SLC39A8: variants seen among roughly 807,000 people sequenced by gnomAD.
SLC39A8 encodes the protein solute carrier family 39 member 8, also known as metal cation symporter ZIP8.
Under a neutral mutation model 40.4 loss-of-function variants are expected in SLC39A8, and 15 were observed. The observed-to-expected ratio is 0.37, with a 90% CI of 0.25 to 0.57. The LOEUF is 0.57. Among genes scored for constraint, SLC39A8 ranks in the 20% least tolerant of loss-of-function variants. The probability of loss-of-function intolerance (pLI) is 0.75; values close to 1 mark genes in which losing one functional copy is unlikely to be tolerated. For synonymous variants in SLC39A8, 223 were observed against 221.6 expected (o/e 1.01, Z -0.06); for missense variants, 472 against 558.8 (o/e 0.84, Z 1.57).
intron 6 of SLC39A8, among the ~76,000 whole-genome samples, chr4:102,297,975 A>G (rs1353897883): frequency 1.3e-5 from 2 of 151,924 alleles, no homozygotes; most frequent in African/African-American, 4.8e-5. Context: ...GAATATTTAG[A>G]GGAACTGGCC....
chr4:102,288,754 T>A (rs1478997330), intron 6 of SLC39A8, among the ~76,000 whole-genome samples: 2 of 152,032 alleles, frequency 1.3e-5, no homozygotes, highest in African/African-American at 2.4e-5. Context: ...TACCCTAAAG[T>A]AGGAGCAAGC....
At chr4:102,293,053 CA>C (rs746206639) in intron 6 of SLC39A8, among the ~76,000 whole-genome samples, 61 of 152,020 alleles carry the variant, frequency 4.0e-4, no homozygotes, top group Non-Finnish European at 7.5e-4. Flanking sequence ...ACCTAATGAA[CA>C]ATGTATAATT....
At chr4:102,342,679 G>T (rs1347970209) in intron 2 of SLC39A8, among the ~76,000 whole-genome samples, 2 of 152,146 alleles carry the variant, frequency 1.3e-5, no homozygotes, top group Admixed American at 6.5e-5. Flanking sequence ...CAGGTGTCAA[G>T]ATACATATAA....
chr4:102,314,060 A>C (rs1195967744), intron 3 of SLC39A8, among the ~76,000 whole-genome samples: 1 of 151,698 alleles, frequency 6.6e-6, no homozygotes, highest in Non-Finnish European at 1.5e-5. Flanking sequence ...CTTTATCCTC[A>C]CCACTCCCTT....
intron 8 of SLC39A8, among the ~76,000 whole-genome samples, chr4:102,265,304 G>C (rs1363333785): frequency 1.3e-5 from 2 of 148,448 alleles, no homozygotes; most frequent in Non-Finnish European, 3.0e-5. Flanking sequence ...AGAGGGAGAT[G>C]GAAGGATGGC....
intron 6 of SLC39A8, among the ~76,000 whole-genome samples, chr4:102,287,490 G>A (rs534543202): frequency 2.6e-5 from 4 of 152,174 alleles, no homozygotes; most frequent in East Asian, 1.9e-4. Flanking sequence ...TTTCTCAGAA[G>A]AGCATCCTTG....
Position 102,314,742 on chromosome 4 carries a change from C to G in SLC39A8, c.382+926G>C, listed in dbSNP as rs756658077. On this transcript the variant is annotated intron_variant, in intron 3 of 8. Coordinates refer to ENST00000356736, the MANE Select transcript of SLC39A8 (RefSeq NM_001135146.2). ...TGATCTATCTAAGATGACACTCACCCACTATCACCTTCTATCCCTCACCTA... is the reference window on the plus strand; with the variant it reads ...TGATCTATCTAAGATGACACTCACCGACTATCACCTTCTATCCCTCACCTA... 7.9e-5 allele frequency among the ~76,000 whole-genome samples: 12 copies of G among 152,214 alleles called. No homozygotes were observed. In the South Asian group the frequency reaches 1.7e-3, roughly 21 times the overall value.
exon 12 of SLC39A8, chr4:102,251,966 G>C (rs1731602526): frequency 6.6e-6 from 1 of 152,204 alleles, no homozygotes; most frequent in Admixed American, 6.5e-5. Flanking sequence ...AGCACATTTT[G>C]ATGGCATAAT....
intron 2 of SLC39A8, among the ~76,000 whole-genome samples, chr4:102,334,096 AC>A (rs1037710151): frequency 6.6e-6 from 1 of 152,148 alleles, no homozygotes; most frequent in East Asian, 1.9e-4. Context: ...AAAAGCCAGA[AC>A]CAATGGTTTG....
intron 6 of SLC39A8, among the ~76,000 whole-genome samples, chr4:102,283,823 A>AC (rs1733021682): frequency 1.3e-5 from 2 of 152,176 alleles, no homozygotes; most frequent in Non-Finnish European, 2.9e-5. Flanking sequence ...TTCCAATGTC[A>AC]TTTTATACAA....
intron 2 of SLC39A8, among the ~76,000 whole-genome samples, chr4:102,338,321 G>A (rs1735767647): frequency 6.6e-6 from 1 of 151,658 alleles, no homozygotes; most frequent in Non-Finnish European, 1.5e-5. Context: ...TGAGTAGCTG[G>A]GACTACAGGC....
intron 2 of SLC39A8, among the ~76,000 whole-genome samples, chr4:102,336,281 C>T (rs1479842136): frequency 6.6e-6 from 1 of 152,054 alleles, no homozygotes; most frequent in Non-Finnish European, 1.5e-5. Flanking sequence ...GATGTGAAAA[C>T]TAAGGATTAC....
chr4:102,268,364 T>C (rs1732199286), intron 6 of SLC39A8, among the ~76,000 whole-genome samples: 1 of 152,238 alleles, frequency 6.6e-6, no homozygotes, highest in Non-Finnish European at 1.5e-5. Flanking sequence ...TCCTACTGCC[T>C]TTCTAAAATG....
At chr4:102,306,120 G>A (rs865993405) in intron 4 of SLC39A8, among the ~76,000 whole-genome samples, 1 of 151,938 alleles carries the variant, frequency 6.6e-6, no homozygotes, top group East Asian at 1.9e-4. Context: ...AAAACTCTAT[G>A]AAAATTTGAG....
intron 6 of SLC39A8, among the ~76,000 whole-genome samples, chr4:102,278,320 G>A (rs1732713301): frequency 6.6e-6 from 1 of 152,186 alleles, no homozygotes; most frequent in Admixed American, 6.5e-5. Flanking sequence ...ATCAAAAAGT[G>A]GGTGAAGAAT....
downstream of SLC39A8, among the ~76,000 whole-genome samples, chr4:102,259,253 A>G (rs144440048): frequency 2.0e-5 from 3 of 152,146 alleles, no homozygotes; most frequent in African/African-American, 4.8e-5. Flanking sequence ...TTTCTTTCCT[A>G]TGACCCCTAA....
Position 102,323,779 on chromosome 4 carries a change from T to A in SLC39A8, c.220-7949A>T, listed in dbSNP as rs542566353. ...CAGAATTCAGATATATGTGTTCTCATGCCTTTTGACTTGTAAGCCAGTATT... is the reference window on the plus strand; with the variant it reads ...CAGAATTCAGATATATGTGTTCTCAAGCCTTTTGACTTGTAAGCCAGTATT... On this transcript the variant is annotated intron_variant, in intron 2 of 8. Transcript: ENST00000356736. Among the ~76,000 whole-genome samples the A allele has an allele frequency of 2.0e-5, 3 of 152,260 alleles. No homozygotes were observed. The East Asian group carries it at 5.8e-4, about 29-fold the overall frequency.
At chr4:102,296,657 G>C (rs920568204) in intron 6 of SLC39A8, among the ~76,000 whole-genome samples, 1 of 152,082 alleles carries the variant, frequency 6.6e-6, no homozygotes, top group Non-Finnish European at 1.5e-5. Flanking sequence ...TTAATCCTAA[G>C]ATGCAAACAA....
At chr4:102,334,392 C>T (rs1041986979) in intron 2 of SLC39A8, among the ~76,000 whole-genome samples, 1 of 152,166 alleles carries the variant, frequency 6.6e-6, no homozygotes, top group African/African-American at 2.4e-5. Context: ...CCAATTTTCT[C>T]ACAATATTGT....
Sources: gnomAD v4.1 joint callset for allele counts (sites outside exome capture counted in the v4.1 genomes callset) on GRCh38, gnomAD v4.1.1 for gene constraint, MANE v1.5 for transcripts, NCBI Gene and HGNC (gene_info 2026-07-23, HGNC 2026-07-21) for gene names.